Variants in CNTNAP2 observed in about 807,000 individuals in gnomAD.
The protein encoded by CNTNAP2 is contactin associated protein 2, also known as contactin-associated protein-like 2.
Under a neutral mutation model 155.2 loss-of-function variants are expected in CNTNAP2, and 98 were observed. The observed-to-expected ratio is 0.63, with a 90% CI of 0.54 to 0.75. The LOEUF (loss-of-function observed/expected upper bound fraction) is 0.75. Ranked by LOEUF, CNTNAP2 falls within the 30% of genes least tolerant of loss-of-function variation. The pLI, the probability that CNTNAP2 is intolerant of heterozygous loss-of-function variation, is 0.00. For synonymous variants in CNTNAP2, 651 were observed against 631.2 expected (o/e 1.03, Z -0.47); for missense variants, 1,727 against 1,688.1 (o/e 1.02, Z -0.40).
At chr7:146,922,362 G>C (rs191531638) in intron 3 of CNTNAP2, among the ~76,000 whole-genome samples, 7 of 151,872 alleles carry the variant, frequency 4.6e-5, no homozygotes, top group Admixed American at 4.6e-4. Flanking sequence ...AATTTGCATA[G>C]TAATTCTAAG....
chr7:147,416,526 C>A (rs1563196722), intron 10 of CNTNAP2, among the ~76,000 whole-genome samples: 1 of 152,136 alleles, frequency 6.6e-6, no homozygotes, highest in Admixed American at 6.5e-5. Context: ...TCCTGAGATC[C>A]CTCCACAGTC....
At chr7:147,318,838 T>A (rs946485689) in intron 9 of CNTNAP2, among the ~76,000 whole-genome samples, 13 of 152,218 alleles carry the variant, frequency 8.5e-5, no homozygotes, top group African/African-American at 2.9e-4. Flanking sequence ...AAATTAAAAA[T>A]ATATACGTAT....
intron 1 of CNTNAP2, among the ~76,000 whole-genome samples, chr7:146,166,568 C>T (rs1404137968): frequency 6.6e-6 from 1 of 152,152 alleles, no homozygotes; most frequent in Non-Finnish European, 1.5e-5. Flanking sequence ...ATGAAATACA[C>T]TTAAAAATTT....
rs923737296 is a variant in CNTNAP2 at position 147,738,036 on chromosome 7, G to T, written c.2098+98730G>T. Among the ~76,000 whole-genome samples the T allele has an allele frequency of 3.3e-5, 5 of 152,260 alleles. No homozygotes were observed. In the East Asian group the frequency reaches 5.8e-4, roughly 18 times the overall value. On this transcript the variant is annotated intron_variant, in intron 13 of 23. Coordinates refer to ENST00000361727, the MANE Select transcript of CNTNAP2 (RefSeq NM_014141.6). Reference sequence around the variant, plus strand: ...CTGCACCCACTGTCCTGCACCCACTGTCCAACAATCCCCAGTGAGATGAAC... The same window carrying T: ...CTGCACCCACTGTCCTGCACCCACTTTCCAACAATCCCCAGTGAGATGAAC...
chr7:146,701,551 G>A (rs545667602), intron 1 of CNTNAP2, among the ~76,000 whole-genome samples: 2 of 151,834 alleles, frequency 1.3e-5, no homozygotes, highest in African/African-American at 4.8e-5. Flanking sequence ...TATAGACAGG[G>A]GTATTATTTA....
chr7:147,347,601 T>C (rs1178984630), intron 9 of CNTNAP2, among the ~76,000 whole-genome samples: 1 of 151,246 alleles, frequency 6.6e-6, no homozygotes, highest in Non-Finnish European at 1.5e-5. Context: ...AATAATCAGA[T>C]ACTACCAGAA....
At chr7:147,858,207 CT>C (rs1255165809) in intron 13 of CNTNAP2, among the ~76,000 whole-genome samples, 2 of 152,210 alleles carry the variant, frequency 1.3e-5, no homozygotes, top group Admixed American at 6.5e-5. Context: ...CTGCCTCAGC[CT>C]CCTGAGTATC....
chr7:147,403,630 C>T (rs1338589454), intron 10 of CNTNAP2, among the ~76,000 whole-genome samples: 3 of 152,168 alleles, frequency 2.0e-5, no homozygotes, highest in African/African-American at 7.2e-5. Context: ...TACAATGCCT[C>T]TGTTTTGCTC....
At chr7:146,785,506 C>G (rs1421249243) in intron 2 of CNTNAP2, among the ~76,000 whole-genome samples, 1 of 152,188 alleles carries the variant, frequency 6.6e-6, no homozygotes, top group Non-Finnish European at 1.5e-5. Context: ...TATTATTCTA[C>G]TAATTGTAAA....
At chr7:148,296,185 C>T (rs1797281534) in intron 21 of CNTNAP2, among the ~76,000 whole-genome samples, 1 of 152,068 alleles carries the variant, frequency 6.6e-6, no homozygotes, top group East Asian at 1.9e-4. Context: ...TTCTCAGGCA[C>T]CACTCAAATG....
At chr7:148,381,298 T>G (rs1033598707) in intron 21 of CNTNAP2, 3 of 152,238 alleles carry the variant, frequency 2.0e-5, no homozygotes, top group African/African-American at 7.2e-5. Flanking sequence ...GACAGCCTTT[T>G]GTAGCCACAC....
At chr7:146,205,659 T>G (rs1009468563) in intron 1 of CNTNAP2, among the ~76,000 whole-genome samples, 4 of 151,876 alleles carry the variant, frequency 2.6e-5, no homozygotes, top group Admixed American at 2.6e-4. Context: ...GACCAGATAC[T>G]TTTCTCCCTA....
intron 15 of CNTNAP2, among the ~76,000 whole-genome samples, chr7:148,033,409 A>G (rs565009561): frequency 6.7e-6 from 1 of 149,638 alleles, no homozygotes; most frequent in South Asian, 2.1e-4. Flanking sequence ...GGTTTGTTAC[A>G]TAGGTTACAT....
intron 16 of CNTNAP2, among the ~76,000 whole-genome samples, chr7:148,128,333 GA>G (rs1041413400): frequency 7.3e-5 from 11 of 151,410 alleles, no homozygotes; most frequent in African/African-American, 1.5e-4. Flanking sequence ...CTATACATAA[GA>G]AAAAAAACTA....
chr7:146,667,572 A>AT (rs1800219577), intron 1 of CNTNAP2, among the ~76,000 whole-genome samples: 1 of 152,006 alleles, frequency 6.6e-6, no homozygotes, highest in Non-Finnish European at 1.5e-5. Flanking sequence ...TAGTATGGCC[A>AT]TTTTAACAAT....
At chr7:147,868,429 G>T (rs1010171378) in intron 13 of CNTNAP2, among the ~76,000 whole-genome samples, 2 of 152,188 alleles carry the variant, frequency 1.3e-5, no homozygotes, top group Non-Finnish European at 2.9e-5. Context: ...AGGGGTCAGG[G>T]ACCCACTTGA....
intron 5 of CNTNAP2, among the ~76,000 whole-genome samples, chr7:147,115,339 C>T (rs948831431): frequency 2.6e-5 from 4 of 152,132 alleles, no homozygotes; most frequent in African/African-American, 7.2e-5. Context: ...AGGTTCTCTG[C>T]ATTTCCTGAA....
At chr7:148,100,878 C>T (rs1214884630) in intron 15 of CNTNAP2, among the ~76,000 whole-genome samples, 1 of 152,008 alleles carries the variant, frequency 6.6e-6, no homozygotes, top group Non-Finnish European at 1.5e-5. Context: ...TTGGAACCAA[C>T]CTAAATGTCC....
chr7:147,737,375 C>T (rs1348148518), intron 13 of CNTNAP2, among the ~76,000 whole-genome samples: 4 of 152,120 alleles, frequency 2.6e-5, no homozygotes, highest in Non-Finnish European at 4.4e-5. Flanking sequence ...CCTGATCGTT[C>T]CTCTGGAAGT....
Sources: gnomAD v4.1 joint callset for allele counts (sites outside exome capture counted in the v4.1 genomes callset) on GRCh38, gnomAD v4.1.1 for gene constraint, MANE v1.5 for transcripts, NCBI Gene and HGNC (gene_info 2026-07-23, HGNC 2026-07-21) for gene names.